Variants in SHISA6 observed in about 807,000 individuals in gnomAD.
The protein encoded by SHISA6 is protein shisa-6.
A neutral mutation model predicts 47.9 loss-of-function variants in SHISA6; 22 were observed. That is an observed-to-expected ratio of 0.46 (90% confidence interval 0.33 to 0.66). The LOEUF (loss-of-function observed/expected upper bound fraction) is 0.66, where lower values mean the gene tolerates loss of function less well. Among genes scored for constraint, SHISA6 ranks in the 30% least tolerant of loss-of-function variants. The pLI, the probability that SHISA6 is intolerant of heterozygous loss-of-function variation, is 0.02. For synonymous variants in SHISA6, 388 were observed against 337.8 expected (o/e 1.15, Z -1.63); for missense variants, 680 against 764.6 (o/e 0.89, Z 1.30).
At chr17:11,372,304 A>G (rs1279064956) in intron 2 of SHISA6, among the ~76,000 whole-genome samples, 1 of 152,200 alleles carries the variant, frequency 6.6e-6, no homozygotes, top group Non-Finnish European at 1.5e-5. Flanking sequence ...AGCAGCAGGA[A>G]AATAGGTCAA....
chr17:11,328,679 T>C (rs205029), intron 2 of SHISA6, among the ~76,000 whole-genome samples: 4,679 of 152,328 alleles, frequency 0.031, 98 homozygotes, highest in Middle Eastern at 0.085. Flanking sequence ...AGTGTTTCTC[T>C]TGTGGATCTT....
chr17:11,550,459 G>C (rs1029279839), intron 3 of SHISA6, among the ~76,000 whole-genome samples: 1 of 152,114 alleles, frequency 6.6e-6, no homozygotes, highest in Non-Finnish European at 1.5e-5. Flanking sequence ...GATTTGTCTT[G>C]GAAATTGAGA....
At chr17:11,304,955 G>A (rs867151502) in intron 2 of SHISA6, among the ~76,000 whole-genome samples, 8 of 152,330 alleles carry the variant, frequency 5.3e-5, no homozygotes, top group Middle Eastern at 3.4e-3. Context: ...CAGACCGCAT[G>A]TTTCGATGCA....
At chr17:11,447,116 A>G (rs948669804) in intron 3 of SHISA6, among the ~76,000 whole-genome samples, 3 of 152,326 alleles carry the variant, frequency 2.0e-5, no homozygotes, top group Non-Finnish European at 4.4e-5. Context: ...AATAACAATG[A>G]GCTATCTCCA....
chr17:11,291,635 AAACAAC>A (rs796809748), intron 2 of SHISA6, among the ~76,000 whole-genome samples: 5 of 151,866 alleles, frequency 3.3e-5, no homozygotes, highest in South Asian at 2.1e-4. Context: ...CTCTGTCTCA[AAACAAC>A]AACAACAACA....
rs542413463 is a variant in SHISA6 at position 11,481,911 on chromosome 17, A to T, written c.896-69985A>T. ...AATTGATGCCATAAAAAAATGCCAT[A>T]AAAAATGCCATAAAAAAATACCAAC... is the stretch of plus-strand genomic sequence containing the variant. On this transcript the variant is annotated intron_variant, in intron 3 of 5. Transcript: ENST00000441885. 1.4e-4 allele frequency among the ~76,000 whole-genome samples: 21 copies of T among 152,278 alleles called. No homozygotes were observed. In the East Asian group the frequency reaches 3.9e-3, roughly 28 times the overall value.
chr17:11,269,155 C>T (rs1348865614), intron 2 of SHISA6, among the ~76,000 whole-genome samples: 1 of 152,076 alleles, frequency 6.6e-6, no homozygotes, highest in South Asian at 2.1e-4. Context: ...GATTCTCCTG[C>T]CTCAGCCTCC....
chr17:11,297,652 A>G (rs548724087), intron 2 of SHISA6, among the ~76,000 whole-genome samples: 43 of 152,306 alleles, frequency 2.8e-4, no homozygotes, highest in African/African-American at 9.4e-4. Context: ...AGACTGGGCA[A>G]TACAGCCTTT....
At chr17:11,454,510 A>G (rs1025629444) in intron 3 of SHISA6, among the ~76,000 whole-genome samples, 3 of 152,116 alleles carry the variant, frequency 2.0e-5, no homozygotes, top group African/African-American at 7.2e-5. Context: ...CCATGGCTAC[A>G]CTCAGCCAAT....
intron 2 of SHISA6, among the ~76,000 whole-genome samples, chr17:11,376,564 TC>T (rs1912809208): frequency 6.6e-6 from 1 of 152,030 alleles, no homozygotes; most frequent in Admixed American, 6.6e-5. Context: ...GACCTCATGA[TC>T]CACCCACCTC....
intron 3 of SHISA6, among the ~76,000 whole-genome samples, chr17:11,482,130 A>G (rs528113012): frequency 1.3e-5 from 2 of 152,308 alleles, no homozygotes; most frequent in African/African-American, 4.8e-5. Context: ...GATCCAGTAG[A>G]AGAAAACTTA....
At chr17:11,508,775 C>T (rs1288464794) in intron 3 of SHISA6, among the ~76,000 whole-genome samples, 2 of 138,732 alleles carry the variant, frequency 1.4e-5, no homozygotes, top group African/African-American at 2.7e-5. Flanking sequence ...ACCATGCACT[C>T]CTTTAGGTAT....
intron 2 of SHISA6, among the ~76,000 whole-genome samples, chr17:11,272,261 T>C (rs1437894940): frequency 6.6e-6 from 1 of 152,168 alleles, no homozygotes; most frequent in Admixed American, 6.5e-5. Context: ...CCAGCCATGC[T>C]CTGCTCTTTG....
At chr17:11,555,362 A>G (rs1478084023) in intron 4 of SHISA6, among the ~76,000 whole-genome samples, 4 of 152,154 alleles carry the variant, frequency 2.6e-5, no homozygotes, top group African/African-American at 4.8e-5. Flanking sequence ...GTTTGCCTAA[A>G]GCTATTAGGA....
At chr17:11,522,302 C>T (rs1056007274) in intron 3 of SHISA6, among the ~76,000 whole-genome samples, 20 of 152,048 alleles carry the variant, frequency 1.3e-4, no homozygotes, top group African/African-American at 3.1e-4. Context: ...GTCGCTTTGT[C>T]GCCCAGACTG....
At chr17:11,255,234 C>T (rs959896809) in intron 1 of SHISA6, among the ~76,000 whole-genome samples, 8 of 152,074 alleles carry the variant, frequency 5.3e-5, no homozygotes, top group Admixed American at 2.0e-4. Context: ...TTTTGTGTAC[C>T]CTGCCCTTCT....
chr17:11,262,378 C>A (rs1383138916), intron 1 of SHISA6, among the ~76,000 whole-genome samples: 1 of 152,148 alleles, frequency 6.6e-6, no homozygotes, highest in Non-Finnish European at 1.5e-5. Flanking sequence ...GCATTGAGGA[C>A]TGGGGACCTG....
At chr17:11,518,787 G>A (rs1300909334) in intron 3 of SHISA6, among the ~76,000 whole-genome samples, 3 of 152,164 alleles carry the variant, frequency 2.0e-5, no homozygotes, top group African/African-American at 2.4e-5. Context: ...TGATTCTGAC[G>A]TGCAGCCAAG....
At chr17:11,449,650 G>C (rs546848223) in intron 3 of SHISA6, among the ~76,000 whole-genome samples, 2 of 152,128 alleles carry the variant, frequency 1.3e-5, no homozygotes, top group African/African-American at 4.8e-5. Context: ...TAAGCCTACT[G>C]TACAAAAGCA....
Sources: allele counts gnomAD v4.1 joint callset (sites outside exome capture counted in the v4.1 genomes callset), GRCh38; gene constraint gnomAD v4.1.1; transcripts MANE v1.5; gene names NCBI Gene and HGNC (gene_info 2026-07-23, HGNC 2026-07-21).